Variants in GPT2 observed in about 807,000 individuals in gnomAD.
GPT2 encodes the protein glutamic--pyruvic transaminase 2.
Under a neutral mutation model 56.9 loss-of-function variants are expected in GPT2, and 30 were observed. The ratio of observed to expected loss-of-function variants is 0.53; its 90% CI spans 0.39 to 0.72. The LOEUF (loss-of-function observed/expected upper bound fraction) is 0.72, where lower values mean the gene tolerates loss of function less well. Ranked by LOEUF, GPT2 falls within the 30% of genes least tolerant of loss-of-function variation. GPT2 has a pLI of 0.00. For synonymous variants in GPT2, 271 were observed against 283.1 expected (o/e 0.96, Z 0.43); for missense variants, 542 against 703.4 (o/e 0.77, Z 2.60).
At chr16:46,909,116 G>A (rs1377815383) in intron 5 of GPT2, among the ~76,000 whole-genome samples, 1 of 151,744 alleles carries the variant, frequency 6.6e-6, no homozygotes, top group Non-Finnish European at 1.5e-5. Flanking sequence ...TGGGTGTGGG[G>A]TGGGGTCTTT....
At chr16:46,903,051 T>C (rs1392674115) in intron 4 of GPT2, among the ~76,000 whole-genome samples, 1 of 151,914 alleles carries the variant, frequency 6.6e-6, no homozygotes, top group Non-Finnish European at 1.5e-5. Flanking sequence ...GAGTTAGAGA[T>C]CAGCCTGGCC....
At chr16:46,893,011 C>A (rs1039589272) in intron 2 of GPT2, among the ~76,000 whole-genome samples, 1 of 152,134 alleles carries the variant, frequency 6.6e-6, no homozygotes. Flanking sequence ...ACATATAATA[C>A]GTAGTACATA....
intron 5 of GPT2, among the ~76,000 whole-genome samples, chr16:46,907,291 T>C (rs1348882584): frequency 1.3e-5 from 2 of 152,232 alleles, no homozygotes; most frequent in Non-Finnish European, 2.9e-5. Flanking sequence ...TGCCAGGTGC[T>C]GGGGAGACAA....
intron 5 of GPT2, 62 bp downstream of exon 5, chr16:46,907,037 G>A: frequency 6.2e-7 from 1 of 1,604,456 alleles, no homozygotes; most frequent in South Asian, 1.1e-5. Context: ...AGCCTTGCCT[G>A]TTAGGGCCCA....
chr16:46,909,581 T>C, intron 5 of GPT2, 103 bp from the exon 6 acceptor site: 1 of 1,353,842 alleles, frequency 7.4e-7, no homozygotes, highest in Non-Finnish European at 1.0e-6. Context: ...TAAAGCGACT[T>C]GCACAGAGTT....
At chr16:46,904,330 G>A (rs533877446) in intron 4 of GPT2, among the ~76,000 whole-genome samples, 4 of 152,334 alleles carry the variant, frequency 2.6e-5, no homozygotes, top group African/African-American at 7.2e-5. Flanking sequence ...AGAATTGCTC[G>A]AGCCCAGGAG....
chr16:46,906,872 G>A lies in GPT2; in HGVS notation c.473G>A (p.Cys158Tyr). 1 of 1,614,220 alleles carries A rather than the reference G, an allele frequency of 6.2e-7. No individual in the cohort carries two copies. Among genetic ancestry groups the A allele is most frequent in the Non-Finnish European group, 8.5e-7 (1 of 1,180,042 alleles). Residue 158 changes from cysteine (C) to tyrosine (Y), a missense_variant, in exon 5 of 12, where the codon TGC becomes TAC. Cys to Tyr is a radical substitution (Grantham distance 194). Transcript: ENST00000340124. Reference sequence around the variant, plus strand: ...TACAGTGCTAGCCAGGGTGTCAACTGCATCCGTGAAGATGTGGCTGCCTAC... The same window carrying A: ...TACAGTGCTAGCCAGGGTGTCAACTACATCCGTGAAGATGTGGCTGCCTAC... The part of the protein sequence containing the change: ...GSYSASQGVN[C>Y]IREDVAAYIT...
intron 7 of GPT2, among the ~76,000 whole-genome samples, chr16:46,918,318 G>A (rs1384958647): frequency 1.3e-5 from 2 of 152,190 alleles, no homozygotes; most frequent in African/African-American, 4.8e-5. Flanking sequence ...TGGGAGGATG[G>A]GGGTCTCAGC....
intron 5 of GPT2, among the ~76,000 whole-genome samples, chr16:46,907,965 C>G (rs532031584): frequency 3.3e-5 from 5 of 149,436 alleles, no homozygotes; most frequent in African/African-American, 1.2e-4. Context: ...ACTGGTGGAG[C>G]CTGCAGTCCT....
In GPT2 at chr16:46,898,975, CATATAT is replaced by C. The variant is rs60743914; in HGVS notation, c.333+1250_333+1255del. Among the ~76,000 whole-genome samples the C allele has an allele frequency of 2.0e-4, 27 of 132,114 alleles. 2 individuals are homozygous for C. Among genetic ancestry groups the C allele is most frequent in the South Asian group, 1.3e-3 (6 of 4,480 alleles). 86.7% of individuals were successfully genotyped at this position (132,114 alleles called of 152,430 possible). On this transcript the variant is annotated intron_variant, in intron 3 of 11. Transcript: ENST00000340124. ...ATATGTGTATATATATACACACACACATATATATATATATATAACACACATATATAT... is the reference window on the plus strand; with the variant it reads ...ATATGTGTATATATATACACACACACATATATATATAACACACATATATAT...
chr16:46,918,836 G>A (rs1961224991), intron 8 of GPT2, 79 bp downstream of exon 8: 2 of 1,550,306 alleles, frequency 1.3e-6, no homozygotes, highest in Non-Finnish European at 1.8e-6. Context: ...CCTGCCCCGT[G>A]GTCCACCCAC....
chr16:46,900,186 T>G (rs942425958), intron 3 of GPT2, among the ~76,000 whole-genome samples: 2 of 151,296 alleles, frequency 1.3e-5, no homozygotes, highest in Admixed American at 1.3e-4. Flanking sequence ...TGATGTTCTC[T>G]GTTACAGAGA....
chr16:46,919,338 G>T (rs1279020693), intron 8 of GPT2, among the ~76,000 whole-genome samples: 1 of 152,104 alleles, frequency 6.6e-6, no homozygotes, highest in Non-Finnish European at 1.5e-5. Flanking sequence ...TAAATCGTGC[G>T]TCCCACGGAG....
At position 46,928,888 on chromosome 16, in the gene GPT2, C is replaced by G; in HGVS notation, c.1482-19C>G. 1.3e-6 allele frequency: 2 copies of G among 1,594,718 alleles called. No individual in the cohort carries two copies. The highest frequency in any genetic ancestry group is 1.7e-6 in the Non-Finnish European group (2 of 1,162,344). The stretch of plus-strand genomic sequence containing the variant: ...ATCTTGCAGAGCAGCCAGGCTGACA[C>G]TGTTGTCTCTCCTGCCAGGATGACT... On this transcript the variant is annotated intron_variant, in intron 11 of 11. Transcript: ENST00000340124.
intron 2 of GPT2, 32 bp from the exon 3 acceptor site, chr16:46,897,616 A>G (rs915319346): frequency 1.2e-6 from 2 of 1,603,074 alleles, no homozygotes; most frequent in Non-Finnish European, 8.5e-7. Flanking sequence ...AAGAGTTTCT[A>G]AGTAACCACC....
chr16:46,928,409 G>A (rs922653066), intron 11 of GPT2, among the ~76,000 whole-genome samples: 2 of 152,036 alleles, frequency 1.3e-5, no homozygotes, highest in African/African-American at 2.4e-5. Flanking sequence ...CAGATCATGA[G>A]GTCAGGAGTT....
chr16:46,913,837 C>T (rs575484810), intron 6 of GPT2, among the ~76,000 whole-genome samples: 1 of 152,132 alleles, frequency 6.6e-6, no homozygotes, highest in Non-Finnish European at 1.5e-5. Flanking sequence ...CTTTGGGAAG[C>T]TGAGGTTGGT....
intron 2 of GPT2, among the ~76,000 whole-genome samples, chr16:46,888,489 G>C (rs1403121740): frequency 3.3e-5 from 5 of 152,060 alleles, no homozygotes; most frequent in African/African-American, 1.2e-4. Context: ...TGGGATTACA[G>C]GTGCCCGCCG....
Position 46,910,258 on chromosome 16 carries a change from G to A in GPT2, c.820+331G>A, listed in dbSNP as rs1345433024. 2.6e-5 allele frequency among the ~76,000 whole-genome samples: 4 copies of A among 152,158 alleles called. No individual in the cohort carries two copies. The East Asian group carries it at 5.8e-4, about 22-fold the overall frequency. On this transcript the variant is annotated intron_variant, in intron 6 of 11. Coordinates refer to ENST00000340124, the MANE Select transcript of GPT2 (RefSeq NM_133443.4). ...TAGCAGGGCATGGTGGTGTGCGCCT[G>A]TAGTCCCAGCTGCTCAGGAGGCTGA...
Sources: allele counts gnomAD v4.1 joint callset (sites outside exome capture counted in the v4.1 genomes callset), GRCh38; gene constraint gnomAD v4.1.1; transcripts MANE v1.5; gene names NCBI Gene and HGNC (gene_info 2026-07-23, HGNC 2026-07-21).